C12orf42: variants seen among roughly 807,000 people sequenced by gnomAD.
C12orf42 encodes the protein uncharacterized protein C12orf42.
C12orf42 carries 25 observed loss-of-function variants against 21.6 expected under a neutral mutation model. The ratio of observed to expected loss-of-function variants is 1.16; its 90% CI spans 0.84 to 1.62. The LOEUF (loss-of-function observed/expected upper bound fraction) is 1.62, where lower values mean the gene tolerates loss of function less well. Ranked by LOEUF, C12orf42 falls within the 40% of genes most tolerant of loss-of-function variation. The probability of loss-of-function intolerance (pLI) is 0.00; values close to 1 mark genes in which losing one functional copy is unlikely to be tolerated. For synonymous variants in C12orf42, 174 were observed against 175.0 expected (o/e 0.99, Z 0.05); for missense variants, 483 against 459.3 (o/e 1.05, Z -0.47).
the C12orf42 span, among the ~76,000 whole-genome samples, chr12:103,119,171 A>G: frequency 6.6e-6 from 1 of 152,228 alleles, no homozygotes; most frequent in Admixed American, 6.5e-5. Flanking sequence ...CCTGGATTTT[A>G]GTACTGTTCT....
chr12:103,186,360 T>C, the C12orf42 span, among the ~76,000 whole-genome samples: 3 of 152,220 alleles, frequency 2.0e-5, no homozygotes, highest in Non-Finnish European at 2.9e-5. Flanking sequence ...GTATTCCTTC[T>C]GTTAATCTTC....
chr12:103,123,322 A>T, the C12orf42 span, among the ~76,000 whole-genome samples: 1 of 152,134 alleles, frequency 6.6e-6, no homozygotes, highest in Non-Finnish European at 1.5e-5. Flanking sequence ...TCAAATCCTC[A>T]GACTGACTGG....
rs1440461345 is a variant in C12orf42 at position 103,439,912 on chromosome 12, A to G, written c.79-38237T>C. ...ACCCAGCCATCCCATTACTGGGTAT[A>G]TACCCAAAGGACTATAAATCATGCT... On this transcript the variant is annotated intron_variant, in intron 2 of 5. Coordinates refer to ENST00000548883, the MANE Select transcript of C12orf42 (RefSeq NM_198521.5). Among the ~76,000 whole-genome samples, 3 of 150,076 alleles carry G rather than the reference A, an allele frequency of 2.0e-5. No individual in the cohort carries two copies. The East Asian group carries it at 6.0e-4, about 30-fold the overall frequency.
In C12orf42 at chr12:103,435,084, TCCCTGAC is replaced by T. The variant is rs758507660; in HGVS notation, c.79-33416_79-33410del. Among the ~76,000 whole-genome samples the T allele has an allele frequency of 1.4e-4, 22 of 152,170 alleles. No individual in the cohort carries two copies. In the East Asian group the frequency reaches 3.7e-3, roughly 25 times the overall value. On this transcript the variant is annotated intron_variant, in intron 2 of 5. Transcript: ENST00000548883. ...CAGGCAGACTGCCTCCTCAAGTGGG[TCCCTGAC>T]CCCTGACCCCCGAGCAGCCTAACTG...
chr12:103,091,277 G>A, the C12orf42 span, among the ~76,000 whole-genome samples: 3 of 151,828 alleles, frequency 2.0e-5, no homozygotes, highest in South Asian at 2.1e-4. Flanking sequence ...GCAGGCAGCC[G>A]CACCTGTCAA....
chr12:103,373,788 A>T (rs566035814), intron 3 of C12orf42, among the ~76,000 whole-genome samples: 3 of 152,340 alleles, frequency 2.0e-5, no homozygotes, highest in African/African-American at 7.2e-5. Context: ...GAAAAGTAAG[A>T]TCTGGACAAT....
At chr12:103,549,498 A>G in the C12orf42 span, 1 of 152,152 alleles carries the variant, frequency 6.6e-6, no homozygotes, top group Non-Finnish European at 1.5e-5. Context: ...GTCATTCTAG[A>G]GTCCCTGGTT....
chr12:103,356,459 A>G lies in C12orf42; in HGVS notation c.259+12428T>C, dbSNP rs181962083. On this transcript the variant is annotated intron_variant, in intron 4 of 5. Transcript: ENST00000548883. ...TTTGGGTTGGTTCCAAGTCTTTGCT[A>G]TTGTGAATAGTGCCGCAATAAACAT... Among the ~76,000 whole-genome samples, 171 of 152,204 alleles carry G rather than the reference A, an allele frequency of 1.1e-3. 1 individual carries two copies. The highest frequency in any genetic ancestry group is 1.0e-4 in the Non-Finnish European group (7 of 67,986).
At chr12:103,555,721 G>A in the C12orf42 span, among the ~76,000 whole-genome samples, 2 of 152,000 alleles carry the variant, frequency 1.3e-5, no homozygotes, top group Admixed American at 6.5e-5. Flanking sequence ...TGCACATGGA[G>A]GCTTAAGAAG....
chr12:103,300,576 T>C (rs2037582498), downstream of C12orf42, among the ~76,000 whole-genome samples: 1 of 152,226 alleles, frequency 6.6e-6, no homozygotes, highest in South Asian at 2.1e-4. Flanking sequence ...TCAAGTACAT[T>C]TTCTATTCTT....
chr12:103,451,498 G>C (rs1271605302), intron 2 of C12orf42, among the ~76,000 whole-genome samples: 1 of 152,072 alleles, frequency 6.6e-6, no homozygotes, highest in East Asian at 1.9e-4. Context: ...ACAGGCATGA[G>C]CTGCTGCACC....
At chr12:103,236,681 T>C (rs1280847060), downstream of C12orf42, among the ~76,000 whole-genome samples, 3 of 152,302 alleles carry the variant, frequency 2.0e-5, no homozygotes, top group African/African-American at 7.2e-5. Flanking sequence ...GGGCCCCCTC[T>C]GTCATTAATG....
the C12orf42 span, among the ~76,000 whole-genome samples, chr12:103,211,756 G>A: frequency 6.6e-4 from 100 of 152,272 alleles, 1 homozygote; most frequent in East Asian, 0.018. Context: ...GAAACAGTGG[G>A]AAACAGTAAA....
rs367592824 is a variant in C12orf42 at position 103,287,342 on chromosome 12, G to A, written n.338-10132C>T. Among the ~76,000 whole-genome samples, 15 of 152,328 alleles carry A rather than the reference G, an allele frequency of 9.8e-5. No homozygotes were observed. The East Asian group carries it at 1.5e-3, about 16-fold the overall frequency. On this transcript the variant is annotated intron_variant and non_coding_transcript_variant, in intron 4 of 6. Coordinates refer to the C12orf42 transcript ENST00000546526. ...ATGATAGACTGGATTAAGAAAATGT[G>A]GCACATAGACGCCATGGAATACTAT...
the C12orf42 span, among the ~76,000 whole-genome samples, chr12:103,104,280 C>G: frequency 2.6e-5 from 4 of 152,108 alleles, no homozygotes; most frequent in African/African-American, 7.2e-5. Context: ...TTTAGTTAAA[C>G]ACACATAAGT....
the C12orf42 span, among the ~76,000 whole-genome samples, chr12:103,062,715 T>C: frequency 2.0e-5 from 3 of 152,240 alleles, no homozygotes; most frequent in Non-Finnish European, 4.4e-5. Flanking sequence ...TGAGGCTAGA[T>C]GTATTTTTCT....
intron 4 of C12orf42, among the ~76,000 whole-genome samples, chr12:103,339,266 C>T (rs148217087): frequency 0.011 from 1,602 of 152,226 alleles, 12 homozygotes; most frequent in Non-Finnish European, 0.017. Context: ...AGTAAACTTG[C>T]GTCATGGAGA....
At chr12:103,328,469 T>G (rs1167484793) in intron 4 of C12orf42, among the ~76,000 whole-genome samples, 1 of 152,148 alleles carries the variant, frequency 6.6e-6, no homozygotes, top group African/African-American at 2.4e-5. Flanking sequence ...TCAGCTATAT[T>G]AAATAGTATC....
At chr12:103,154,328 G>A in the C12orf42 span, among the ~76,000 whole-genome samples, 2 of 151,910 alleles carry the variant, frequency 1.3e-5, no homozygotes, top group Non-Finnish European at 2.9e-5. Context: ...CTTTTTGTTG[G>A]AATATTATAC....
Sources: allele counts gnomAD v4.1 joint callset (sites outside exome capture counted in the v4.1 genomes callset), GRCh38; gene constraint gnomAD v4.1.1; transcripts MANE v1.5; gene names NCBI Gene and HGNC (gene_info 2026-07-23, HGNC 2026-07-21).